EPHA10: variants seen among roughly 807,000 people sequenced by gnomAD.
EPHA10 encodes EPH receptor A10.
A neutral mutation model predicts 109.7 loss-of-function variants in EPHA10; 120 were observed. The ratio of observed to expected loss-of-function variants is 1.09; its 90% confidence interval spans 0.94 to 1.27. EPHA10 has a LOEUF of 1.27. EPHA10 is among the 50% of genes most tolerant of loss of function. The pLI, the probability that EPHA10 is intolerant of heterozygous loss-of-function variation, is 0.00. For synonymous variants in EPHA10, 640 were observed against 618.9 expected, an observed-to-expected ratio of 1.03 and a Z score of -0.51; for missense variants, 1,396 against 1,411.1, an observed-to-expected ratio of 0.99 and a Z score of 0.17.
intron 7 of EPHA10, among the ~76,000 whole-genome samples, chr1:37,729,413 T>G (rs532466253): frequency 6.6e-6 from 1 of 152,326 alleles, no homozygotes; most frequent in South Asian, 2.1e-4. Context: ...TGGTGACGCA[T>G]AAGCGTTCAC....
chr1:37,719,916 C>A lies in EPHA10; in HGVS notation c.2555G>T (p.Gly852Val). The A allele has an allele frequency of 6.2e-7, 1 of 1,613,942 alleles. No individual in the cohort carries two copies. The highest frequency in any genetic ancestry group is 8.5e-7 in the Non-Finnish European group (1 of 1,180,018). The change falls in exon 14 of 17, where the codon GGC becomes GTC. Residue 852 changes from glycine to valine, a missense_variant. Gly to Val is a moderately radical substitution (Grantham distance 109). Transcript: ENST00000373048. ...GAGCCACGGGTTACTCACGTCTTGGCCAGACATGTCCCAGTAAGGCCGCTC... is the reference window on the plus strand; with the variant it reads ...GAGCCACGGGTTACTCACGTCTTGGACAGACATGTCCCAGTAAGGCCGCTC... ...FGERPYWDMS[G>V]QDVIKAVEDG...
intron 5 of EPHA10, among the ~76,000 whole-genome samples, chr1:37,752,219 G>C (rs925532651): frequency 6.6e-6 from 1 of 152,200 alleles, no homozygotes; most frequent in Admixed American, 6.5e-5. Context: ...GGTGTGAAAA[G>C]GTTGTAGGTC....
chr1:37,747,852 T>G (rs370567919), intron 5 of EPHA10, among the ~76,000 whole-genome samples: 1 of 152,106 alleles, frequency 6.6e-6, no homozygotes, highest in Non-Finnish European at 1.5e-5. Context: ...TGATTCTGTG[T>G]CATAACCAGT....
chr1:37,725,191 C>G (rs1210215157), intron 8 of EPHA10, among the ~76,000 whole-genome samples: 3 of 151,870 alleles, frequency 2.0e-5, no homozygotes, highest in African/African-American at 7.3e-5. Context: ...GTCTGCAGAC[C>G]AAGAAGGGAA....
intron 11 of EPHA10, among the ~76,000 whole-genome samples, chr1:37,721,191 A>G (rs1036101365): frequency 1.3e-4 from 19 of 150,916 alleles, no homozygotes; most frequent in Non-Finnish European, 2.1e-4. Flanking sequence ...AGGCCGAGGC[A>G]GGTGGATCAC....
At chr1:37,729,903 A>G (rs1224293659) in intron 7 of EPHA10, among the ~76,000 whole-genome samples, 1 of 151,880 alleles carries the variant, frequency 6.6e-6, no homozygotes, top group Non-Finnish European at 1.5e-5. Context: ...ATTTGGAGAC[A>G]CAGCTCATGG....
In EPHA10 at chr1:37,742,982, T is replaced by C. The variant is rs12563685; in HGVS notation, c.1358-7592A>G. Among the ~76,000 whole-genome samples the C allele has an allele frequency of 1.8e-3, 272 of 151,838 alleles. 4 individuals are homozygous for C. In the East Asian group the frequency reaches 0.026, roughly 15 times the overall value. On this transcript the variant is annotated intron_variant, in intron 5 of 16. Transcript: ENST00000373048. The stretch of plus-strand genomic sequence containing the variant: ...CTGCACTCCAGCCTGAGTGACAGAG[T>C]AAGACCTTGTCTCTAATAATAATAA...
chr1:37,728,820 G>C (rs58701474), intron 7 of EPHA10, among the ~76,000 whole-genome samples: 25 of 152,290 alleles, frequency 1.6e-4, no homozygotes, highest in African/African-American at 6.0e-4. Flanking sequence ...GAGGCAAAGA[G>C]GGCTGAGGGT....
intron 3 of EPHA10, among the ~76,000 whole-genome samples, chr1:37,757,431 A>C (rs511712): frequency 0.79 from 120,314 of 151,732 alleles, 47,849 homozygotes; most frequent in Admixed American, 0.85. Context: ...AGCCACTCTA[A>C]CCATGGTACA....
At chr1:37,722,453 C>T (rs1323526237) in intron 10 of EPHA10, among the ~76,000 whole-genome samples, 1 of 152,122 alleles carries the variant, frequency 6.6e-6, no homozygotes, top group Non-Finnish European at 1.5e-5. Context: ...TGTCAGGCTC[C>T]CAGTGAAAGC....
At position 37,717,831 on chromosome 1, in the gene EPHA10, C is replaced by T. The variant is rs2148300019; in HGVS notation, c.*541G>A. On this transcript the variant is annotated 3_prime_UTR_variant, in exon 17 of 17. Transcript: ENST00000373048. Reference sequence around the variant, plus strand: ...GAGCCTTGGCCAGTGTCCAGTCAGCCCCTGCCAAGGCACAGGGAGCTGAGG... The same window carrying T: ...GAGCCTTGGCCAGTGTCCAGTCAGCTCCTGCCAAGGCACAGGGAGCTGAGG... 2 of 235,130 alleles carry T rather than the reference C, an allele frequency of 8.5e-6. No individual in the cohort carries two copies. Among genetic ancestry groups the T allele is most frequent in the South Asian group, 3.4e-4 (2 of 5,800 alleles). 14.6% of individuals were successfully genotyped at this position (235,130 alleles called of 1,614,324 possible).
chr1:37,725,237 G>A (rs1003296972), intron 8 of EPHA10, among the ~76,000 whole-genome samples: 2 of 152,122 alleles, frequency 1.3e-5, no homozygotes, highest in Admixed American at 6.5e-5. Flanking sequence ...AGGCATGGTG[G>A]CTCATACCTG....
rs150217044 is a variant in EPHA10, at chr1:37,755,148, G to A, written c.851-778C>T. 3.3e-4 allele frequency among the ~76,000 whole-genome samples: 50 copies of A among 152,248 alleles called. 1 individual carries two copies. In the East Asian group the frequency reaches 4.6e-3, roughly 14 times the overall value. ...AGCTAAGGCTAGGAGAGGTGAAGTT[G>A]CCTACAGCTACTCTCCCGCAGCCTG... On this transcript the variant is annotated intron_variant, in intron 3 of 16. Transcript: ENST00000373048.
chr1:37,746,992 T>C (rs1646251215), intron 5 of EPHA10, among the ~76,000 whole-genome samples: 1 of 152,206 alleles, frequency 6.6e-6, no homozygotes, highest in Admixed American at 6.5e-5. Context: ...GACTAATGGG[T>C]TTCCTTTCAG....
In EPHA10 at chr1:37,764,833, T is replaced by A; in HGVS notation, c.106+128A>T. 2.7e-6 allele frequency: 2 copies of A among 739,746 alleles called. No homozygotes were observed. The highest frequency in any genetic ancestry group is 2.1e-6 in the Non-Finnish European group (1 of 470,158). 45.8% of individuals were successfully genotyped at this position (739,746 alleles called of 1,614,324 possible). Reference sequence around the variant, plus strand: ...TTTCTCTGTCTCTCCAGTTCTTTGCTGCCTGCTTGCTTCAAGCCCCAATAC... The same window carrying A: ...TTTCTCTGTCTCTCCAGTTCTTTGCAGCCTGCTTGCTTCAAGCCCCAATAC... On this transcript the variant is annotated intron_variant, in intron 1 of 16. Transcript: ENST00000373048. The surrounding 1 kb of genome is among the most constrained non-coding windows in gnomAD (Gnocchi z 5.8).
Position 37,722,976 on chromosome 1 carries a change from G to C in EPHA10, c.1960+65C>G, listed in dbSNP as rs1203156783. 3.1e-6 allele frequency: 5 copies of C among 1,611,282 alleles called. No individual in the cohort carries two copies. The African/African-American group carries it at 6.7e-5, about 22-fold the overall frequency. On this transcript the variant is annotated intron_variant, in intron 10 of 16. Transcript: ENST00000373048. Reference sequence around the variant, plus strand: ...AGGATAGAGGTGTGGACAGAGTAGGGGCGGGGCCTATAGAGTGGGTGAGGC... The same window carrying C: ...AGGATAGAGGTGTGGACAGAGTAGGCGCGGGGCCTATAGAGTGGGTGAGGC...
intron 8 of EPHA10, among the ~76,000 whole-genome samples, chr1:37,725,895 G>A (rs1173897896): frequency 6.6e-6 from 1 of 152,200 alleles, no homozygotes; most frequent in Non-Finnish European, 1.5e-5. Context: ...CACCCAGGAC[G>A]GTGTGAGAGG....
chr1:37,737,993 C>T (rs968224540), intron 5 of EPHA10: 2 of 101,284 alleles, frequency 2.0e-5, no homozygotes, highest in Admixed American at 3.2e-4. Context: ...TGGAGATGAA[C>T]AAAGAAATCT....
chr1:37,721,724 C>T lies in EPHA10; in HGVS notation c.2082G>A (p.Glu694=), dbSNP rs779197036. The T allele has an allele frequency of 6.2e-7, 1 of 1,612,502 alleles. No individual in the cohort carries two copies. The highest frequency in any genetic ancestry group is 8.5e-7 in the Non-Finnish European group (1 of 1,179,870). Residue 694 remains glutamate (E), a synonymous_variant, in exon 11 of 17, where the codon GAG becomes GAA. Transcript: ENST00000373048. ...GGTCAAACTGGCCCAGCGTGAGGGC[C>T]TCGGCCAGGAAGCCGAGCCTCTGTG... ...SDSQRLGFLA[E]ALTLGQFDHS...
Sources: allele counts gnomAD v4.1 joint callset (sites outside exome capture counted in the v4.1 genomes callset), GRCh38; gene constraint gnomAD v4.1.1; non-coding constraint Gnocchi (gnomAD v3.1); transcripts MANE v1.5; gene names NCBI Gene and HGNC (gene_info 2026-07-23, HGNC 2026-07-21).